Variants in GRM7 observed in about 807,000 individuals in gnomAD.
The protein encoded by GRM7 is glutamate metabotropic receptor 7, also known as metabotropic glutamate receptor 7.
GRM7 carries 35 observed loss-of-function variants against 84.5 expected under a neutral mutation model. The ratio of observed to expected loss-of-function variants is 0.41; its 90% CI spans 0.32 to 0.55. The LOEUF is 0.55. GRM7 is among the 20% of genes least tolerant of loss of function. The pLI is 0.19. For missense variants in GRM7, 1,003 were observed against 1,194.6 expected, an observed-to-expected ratio of 0.84 and a Z score of 2.36; for synonymous variants, 487 against 455.1, an observed-to-expected ratio of 1.07 and a Z score of -0.89.
intron 1 of GRM7, among the ~76,000 whole-genome samples, chr3:7,025,659 C>T (rs1357864597): frequency 6.6e-6 from 1 of 152,118 alleles, no homozygotes; most frequent in Non-Finnish European, 1.5e-5. Flanking sequence ...CTTGTGTCTT[C>T]CCTGGTATTT....
chr3:7,331,765 C>G (rs996845057), intron 4 of GRM7, among the ~76,000 whole-genome samples: 8 of 152,144 alleles, frequency 5.3e-5, no homozygotes, highest in Non-Finnish European at 8.8e-5. Flanking sequence ...TCTGCGGAGC[C>G]TCAATTTCCC....
At chr3:6,948,583 G>C (rs937347081) in intron 1 of GRM7, among the ~76,000 whole-genome samples, 5 of 152,166 alleles carry the variant, frequency 3.3e-5, no homozygotes, top group Non-Finnish European at 7.3e-5. Flanking sequence ...GCTTGGTGCA[G>C]AGCTGAGTTC....
At chr3:7,713,255 A>G (rs1181538040) in intron 9 of GRM7, among the ~76,000 whole-genome samples, 1 of 145,558 alleles carries the variant, frequency 6.9e-6, no homozygotes, top group Non-Finnish European at 1.5e-5. Flanking sequence ...TTCTTCCTCA[A>G]CCTCCTGAGT....
At position 7,415,281 on chromosome 3, in the gene GRM7, A is replaced by C; in HGVS notation, c.1174+118A>C. Reference sequence around the variant, plus strand: ...AAATTGAAAAAGTAAATTAAATTTTACTAGATTGTTCAGAAAATGGAACAG... The same window carrying C: ...AAATTGAAAAAGTAAATTAAATTTTCCTAGATTGTTCAGAAAATGGAACAG... On this transcript the variant is annotated intron_variant, in intron 5 of 9. Coordinates refer to ENST00000357716, the MANE Select transcript of GRM7 (RefSeq NM_000844.4). The C allele has an allele frequency of 3.6e-6, 3 of 841,224 alleles. No individual in the cohort carries two copies. In the East Asian group the frequency reaches 7.7e-5, roughly 22 times the overall value. 52.1% of individuals were successfully genotyped at this position (841,224 alleles called of 1,614,324 possible). A position where few individuals can be genotyped will look rare whatever the true frequency, so the allele number is the denominator to read the frequency against.
chr3:7,081,181 C>G (rs1285641819), intron 1 of GRM7, among the ~76,000 whole-genome samples: 1 of 151,994 alleles, frequency 6.6e-6, no homozygotes, highest in Non-Finnish European at 1.5e-5. Context: ...TTGCATTTTT[C>G]AGATACTGTT....
At chr3:7,217,003 C>T (rs894008947) in intron 2 of GRM7, among the ~76,000 whole-genome samples, 1 of 152,042 alleles carries the variant, frequency 6.6e-6, no homozygotes, top group East Asian at 1.9e-4. Flanking sequence ...TTTTTTTCAT[C>T]CCAACGAAAT....
intron 7 of GRM7, among the ~76,000 whole-genome samples, chr3:7,506,937 A>C: frequency 6.6e-6 from 1 of 152,128 alleles, no homozygotes; most frequent in East Asian, 1.9e-4. Flanking sequence ...ATATTTAAAG[A>C]AACATACCAT....
At chr3:7,215,220 T>C (rs1231623366) in intron 2 of GRM7, among the ~76,000 whole-genome samples, 1 of 152,184 alleles carries the variant, frequency 6.6e-6, no homozygotes, top group African/African-American at 2.4e-5. Context: ...TTCCGATCAT[T>C]ACAAATTGGT....
chr3:7,259,804 C>A (rs1428429761), intron 2 of GRM7, among the ~76,000 whole-genome samples: 2 of 152,024 alleles, frequency 1.3e-5, no homozygotes, highest in African/African-American at 2.4e-5. Flanking sequence ...TGGGTATATA[C>A]CCAGTAATGG....
In GRM7 at chr3:7,096,560, G is replaced by C. The variant is rs559758306; in HGVS notation, c.520-49892G>C. Among the ~76,000 whole-genome samples the C allele has an allele frequency of 9.2e-5, 14 of 152,178 alleles. No individual in the cohort carries two copies. In the South Asian group the frequency reaches 2.9e-3, roughly 32 times the overall value. On this transcript the variant is annotated intron_variant, in intron 1 of 9. Coordinates refer to ENST00000357716, the MANE Select transcript of GRM7 (RefSeq NM_000844.4). ...GTGCATCAATGTGTTCACCAAGCAG[G>C]AACTTCATTGAGCTTCGGTGTCCAG...
chr3:7,335,047 C>T (rs543918151), intron 4 of GRM7, among the ~76,000 whole-genome samples: 3 of 152,202 alleles, frequency 2.0e-5, no homozygotes, highest in South Asian at 4.1e-4. Context: ...TTAAGCTATA[C>T]ACTAGAATGA....
chr3:7,482,653 G>A (rs1167264510), intron 7 of GRM7, among the ~76,000 whole-genome samples: 1 of 152,194 alleles, frequency 6.6e-6, no homozygotes, highest in Non-Finnish European at 1.5e-5. Context: ...TATTGTGAAA[G>A]ACCCTCTATA....
At chr3:7,676,497 TC>T (rs2125136886) in intron 8 of GRM7, among the ~76,000 whole-genome samples, 1 of 152,244 alleles carries the variant, frequency 6.6e-6, no homozygotes, top group South Asian at 2.1e-4. Context: ...TCACTCTGTC[TC>T]CCAGGCTGGG....
At chr3:7,189,794 A>G (rs1176711724) in intron 2 of GRM7, among the ~76,000 whole-genome samples, 1 of 152,170 alleles carries the variant, frequency 6.6e-6, no homozygotes, top group Non-Finnish European at 1.5e-5. Flanking sequence ...TAATGGTAAC[A>G]AATCATCTTG....
chr3:7,566,843 T>C (rs1694304451), intron 7 of GRM7, among the ~76,000 whole-genome samples: 1 of 152,156 alleles, frequency 6.6e-6, no homozygotes, highest in Non-Finnish European at 1.5e-5. Flanking sequence ...AATGGGTCTG[T>C]TTTACTTAGG....
At position 6,895,584 on chromosome 3, in the gene GRM7, G is replaced by T. The variant is rs559416588; in HGVS notation, c.519+33677G>T. On this transcript the variant is annotated intron_variant, in intron 1 of 9. Transcript: ENST00000357716. ...AGATCACACAGCTAGTAAGAGATAAGTCTGAACCCTTTTTGTTGGATACCA... is the reference window on the plus strand; with the variant it reads ...AGATCACACAGCTAGTAAGAGATAATTCTGAACCCTTTTTGTTGGATACCA... Among the ~76,000 whole-genome samples, 7 of 152,254 alleles carry T rather than the reference G, an allele frequency of 4.6e-5. No homozygotes were observed. In the South Asian group the frequency reaches 1.5e-3, roughly 32 times the overall value.
chr3:7,004,068 A>G (rs546367624), intron 1 of GRM7, among the ~76,000 whole-genome samples: 1 of 152,202 alleles, frequency 6.6e-6, no homozygotes, highest in Admixed American at 6.5e-5. Context: ...GGCTTCCCCC[A>G]GAATAAGTGA....
At position 7,262,955 on chromosome 3, in the gene GRM7, T is replaced by C. The variant is rs572566431; in HGVS notation, c.737-35729T>C. Among the ~76,000 whole-genome samples, 193 of 151,192 alleles carry C rather than the reference T, an allele frequency of 1.3e-3. 1 individual carries two copies. Among genetic ancestry groups the C allele is most frequent in the African/African-American group, 4.4e-3 (183 of 41,132 alleles). On this transcript the variant is annotated intron_variant, in intron 2 of 9. Transcript: ENST00000357716. ...ACAGGTGATCCACCCACCATGCCTC[T>C]CAAAATGCTAGAATTACAGGCGTGA...
rs899062451 is a variant in GRM7 at position 7,046,138 on chromosome 3, C to T, written c.520-100314C>T. On this transcript the variant is annotated intron_variant, in intron 1 of 9. Transcript: ENST00000357716. ...TAATCGATGATATTGAATACCTTTT[C>T]GTATTCTATTGTCCATTGTTATGCT... Among the ~76,000 whole-genome samples, 11 of 152,176 alleles carry T rather than the reference C, an allele frequency of 7.2e-5. 1 individual carries two copies. The East Asian group carries it at 9.7e-4, about 13-fold the overall frequency.
Sources: allele counts gnomAD v4.1 joint callset (sites outside exome capture counted in the v4.1 genomes callset), GRCh38; gene constraint gnomAD v4.1.1; transcripts MANE v1.5; gene names NCBI Gene and HGNC (gene_info 2026-07-23, HGNC 2026-07-21).